Variants in SLC25A21 observed in about 807,000 individuals in gnomAD.
SLC25A21 encodes mitochondrial 2-oxodicarboxylate carrier.
A neutral mutation model predicts 43.8 loss-of-function variants in SLC25A21; 47 were observed. That is an observed-to-expected ratio of 1.07 (90% CI 0.85 to 1.37). The LOEUF (loss-of-function observed/expected upper bound fraction) is 1.37, where lower values mean the gene tolerates loss of function less well. Among genes scored for constraint, SLC25A21 ranks in the 40% most tolerant of loss-of-function variants. The probability of loss-of-function intolerance (pLI) is 0.00; values close to 1 mark genes in which losing one functional copy is unlikely to be tolerated. For synonymous variants in SLC25A21, 131 were observed against 121.3 expected (o/e 1.08, Z -0.52); for missense variants, 352 against 350.2 (o/e 1.00, Z -0.04).
intron 1 of SLC25A21, among the ~76,000 whole-genome samples, chr14:36,909,182 G>C (rs556326712): frequency 2.6e-5 from 4 of 152,154 alleles, no homozygotes; most frequent in Non-Finnish European, 5.9e-5. Flanking sequence ...GGTTTGAGGT[G>C]ACATCCATGA....
At chr14:37,055,046 T>C (rs1961790795) in intron 1 of SLC25A21, among the ~76,000 whole-genome samples, 1 of 152,198 alleles carries the variant, frequency 6.6e-6, no homozygotes, top group South Asian at 2.1e-4. Flanking sequence ...TATGCTCCTG[T>C]TTCACCCCCT....
At chr14:36,727,235 C>T (rs1295108138) in intron 5 of SLC25A21, among the ~76,000 whole-genome samples, 2 of 152,202 alleles carry the variant, frequency 1.3e-5, no homozygotes, top group African/African-American at 2.4e-5. Flanking sequence ...CTGTTGTATA[C>T]ATTGCTGAAT....
chr14:36,789,215 G>A (rs142681839), intron 3 of SLC25A21, among the ~76,000 whole-genome samples: 18 of 152,210 alleles, frequency 1.2e-4, no homozygotes, highest in Non-Finnish European at 1.5e-4. Context: ...GCATTACTAC[G>A]ATAATTTCTC....
chr14:36,901,538 T>C (rs532242617), intron 1 of SLC25A21, among the ~76,000 whole-genome samples: 1 of 152,228 alleles, frequency 6.6e-6, no homozygotes, highest in Admixed American at 6.5e-5. Context: ...TTATAAAACA[T>C]ATTTAATACT....
intron 1 of SLC25A21, among the ~76,000 whole-genome samples, chr14:36,965,300 C>T (rs144679422): frequency 6.6e-6 from 1 of 152,222 alleles, no homozygotes; most frequent in African/African-American, 2.4e-5. Flanking sequence ...TCCACAAGTA[C>T]ATCAATCTTT....
At chr14:36,907,850 T>C in intron 1 of SLC25A21, among the ~76,000 whole-genome samples, 1 of 152,294 alleles carries the variant, frequency 6.6e-6, no homozygotes, top group Middle Eastern at 3.4e-3. Flanking sequence ...CACATTGAAA[T>C]AAGGTACAGT....
intron 3 of SLC25A21, among the ~76,000 whole-genome samples, chr14:36,764,740 A>T (rs1394346181): frequency 6.6e-6 from 1 of 151,960 alleles, no homozygotes; most frequent in Non-Finnish European, 1.5e-5. Context: ...AATGTCAAGT[A>T]CTCCATCAGC....
chr14:37,146,551 C>G (rs930638729), intron 1 of SLC25A21, among the ~76,000 whole-genome samples: 16 of 152,088 alleles, frequency 1.1e-4, no homozygotes, highest in Non-Finnish European at 2.1e-4. Context: ...TCAGCCCAGA[C>G]CAAGAGTTTT....
intron 1 of SLC25A21, among the ~76,000 whole-genome samples, chr14:37,160,617 A>T (rs1482745771): frequency 2.6e-5 from 4 of 152,036 alleles, no homozygotes; most frequent in Admixed American, 2.6e-4. Flanking sequence ...AAAGAGTACA[A>T]ACATACAGTG....
intron 1 of SLC25A21, among the ~76,000 whole-genome samples, chr14:36,900,448 G>T (rs1366375002): frequency 6.6e-6 from 1 of 152,112 alleles, no homozygotes; most frequent in African/African-American, 2.4e-5. Flanking sequence ...ACTGGGTTTG[G>T]AATATTCAAA....
At chr14:36,777,323 T>C (rs187665191) in intron 3 of SLC25A21, among the ~76,000 whole-genome samples, 5 of 152,090 alleles carry the variant, frequency 3.3e-5, no homozygotes, top group East Asian at 3.9e-4. Flanking sequence ...ACATCTTAAA[T>C]AAACAAACAA....
chr14:37,010,487 C>A (rs1566812636), intron 1 of SLC25A21, among the ~76,000 whole-genome samples: 1 of 152,010 alleles, frequency 6.6e-6, no homozygotes, highest in African/African-American at 2.4e-5. Flanking sequence ...GTGTAACTGC[C>A]ACTAAACAGC....
intron 1 of SLC25A21, among the ~76,000 whole-genome samples, chr14:36,920,253 G>C (rs572235835): frequency 4.6e-5 from 7 of 152,058 alleles, no homozygotes; most frequent in African/African-American, 1.7e-4. Context: ...TCTTGGCTTA[G>C]TTTACACTTT....
chr14:37,120,002 C>T (rs117654572), intron 1 of SLC25A21, among the ~76,000 whole-genome samples: 4,043 of 152,178 alleles, frequency 0.027, 87 homozygotes, highest in Middle Eastern at 0.048. Flanking sequence ...AAGATGGAAA[C>T]ATTTCTGTGA....
intron 1 of SLC25A21, among the ~76,000 whole-genome samples, chr14:37,018,341 C>CT (rs537450961): frequency 8.5e-5 from 13 of 152,148 alleles, no homozygotes; most frequent in African/African-American, 3.1e-4. Flanking sequence ...CTCCTCTCAC[C>CT]TGCTCATTCA....
intron 2 of SLC25A21, among the ~76,000 whole-genome samples, chr14:36,859,081 C>A (rs1889989067): frequency 6.6e-6 from 1 of 152,084 alleles, no homozygotes; most frequent in East Asian, 1.9e-4. Context: ...GAATAAAAGG[C>A]TGGAAAATAT....
At chr14:36,900,076 G>T (rs771273669) in intron 1 of SLC25A21, among the ~76,000 whole-genome samples, 4 of 151,950 alleles carry the variant, frequency 2.6e-5, no homozygotes, top group Non-Finnish European at 5.9e-5. Flanking sequence ...TGGCAGGGAT[G>T]CTTGGCTCCA....
intron 1 of SLC25A21, among the ~76,000 whole-genome samples, chr14:37,101,318 C>T (rs755019381): frequency 9.9e-5 from 15 of 152,106 alleles, no homozygotes; most frequent in Non-Finnish European, 1.5e-4. Flanking sequence ...CGTGAGCACA[C>T]AGAAGTTTTA....
At chr14:37,133,119 C>T (rs767209963) in intron 1 of SLC25A21, among the ~76,000 whole-genome samples, 47 of 150,018 alleles carry the variant, frequency 3.1e-4, no homozygotes, top group Admixed American at 2.0e-4. Context: ...GATACACATA[C>T]CCCACCTTAC....
Sources: allele counts gnomAD v4.1 joint callset (sites outside exome capture counted in the v4.1 genomes callset), GRCh38; gene constraint gnomAD v4.1.1; transcripts MANE v1.5; gene names NCBI Gene and HGNC (gene_info 2026-07-23, HGNC 2026-07-21).